CCT8L2: variants seen among roughly 807,000 people sequenced by gnomAD.
The protein encoded by CCT8L2 is T-complex protein 1 subunit theta-like 2.
Under a neutral mutation model 31.5 loss-of-function variants are expected in CCT8L2, and 29 were observed. The observed-to-expected ratio is 0.92, with a 90% confidence interval of 0.68 to 1.25. CCT8L2 has a LOEUF of 1.25. Ranked by LOEUF, CCT8L2 falls within the 50% of genes most tolerant of loss-of-function variation. The pLI is 0.00. For missense variants in CCT8L2, 589 were observed against 695.7 expected (o/e 0.85, Z 1.73); for synonymous variants, 256 against 290.1 (o/e 0.88, Z 1.19).
In CCT8L2 at chr22:16,591,540, A is replaced by C; in HGVS notation, c.1011T>G (p.Arg337=). 6.2e-7 allele frequency: 1 copy of C among 1,614,194 alleles called. No homozygotes were observed. Among genetic ancestry groups the C allele is most frequent in the Non-Finnish European group, 8.5e-7 (1 of 1,180,036 alleles). ...SEVLDTPLLP[R]LLPPQRPGKC... is the part of the protein sequence containing the mutation. Reference sequence around the variant, plus strand: ...TGCCTGGCCTCTGGGGAGGGAGCAGACGAGGCAGCAGAGGTGTGTCCAACA... The same window carrying C: ...TGCCTGGCCTCTGGGGAGGGAGCAGCCGAGGCAGCAGAGGTGTGTCCAACA... Residue 337 remains arginine (R), a synonymous_variant, in exon 1 of 1, where the codon CGT becomes CGG. Coordinates refer to ENST00000359963, the MANE Select transcript of CCT8L2 (RefSeq NM_014406.5).
rs2236639 is a variant in CCT8L2 at position 16,591,593 on chromosome 22, A to G, written c.958T>C (p.Trp320Arg). Residue 320 changes from tryptophan (W) to arginine (R), a missense_variant, in exon 1 of 1, where the codon TGG (tryptophan) becomes CGG (arginine). Trp to Arg is a moderately radical substitution (Grantham distance 101, BLOSUM62 -3). Transcript: ENST00000359963. The stretch of plus-strand genomic sequence containing the variant: ...TCACTCAGGTAAATGATCTCCATCC[A>G]AGACCTAGCTTGAATCACCACGATG... ...YGIVVIQARS[W>R]MEIIYLSEVL... 0.91 allele frequency: 1,472,632 copies of G among 1,614,040 alleles called. 674,213 individuals are homozygous for G. Among genetic ancestry groups the G allele is most frequent in the Middle Eastern group, 0.95 (5,760 of 6,062 alleles).
chr22:16,590,923 T>G lies in CCT8L2; in HGVS notation c.1628A>C (p.His543Pro), dbSNP rs1413206111. 4 of 1,613,288 alleles carry G rather than the reference T, an allele frequency of 2.5e-6. No individual in the cohort carries two copies. In the African/African-American group the frequency reaches 4.0e-5, roughly 16 times the overall value. ...TTTTTTTGTTTCCACAGGAGGTGGG[T>G]GTTTCTTTGTCTTCTTAGAGTCAGG... ...WNPDSKKTKK[H>P]PPPVETKKIL... Residue 543 changes from histidine (H) to proline (P), a missense_variant, in exon 1 of 1, where the codon CAC becomes CCC. Physicochemically the swap from His to Pro is moderately conservative, Grantham distance 77. Coordinates refer to ENST00000359963, the MANE Select transcript of CCT8L2 (RefSeq NM_014406.5).
chr22:16,591,827 C>G lies in CCT8L2; in HGVS notation c.724G>C (p.Ala242Pro). 1 of 1,614,196 alleles carries G rather than the reference C, an allele frequency of 6.2e-7. No individual in the cohort carries two copies. Among genetic ancestry groups the G allele is most frequent in the Non-Finnish European group, 8.5e-7 (1 of 1,180,046 alleles). The change falls in exon 1 of 1, where the codon GCT becomes CCT. Residue 242 changes from alanine (A) to proline (P), a missense_variant. By Grantham distance (27) the Ala-to-Pro change is conservative. Coordinates refer to ENST00000359963, the MANE Select transcript of CCT8L2 (RefSeq NM_014406.5). ...MATVLSGARV[A>P]LFACPFGPAH... ...GGACCAAAGGGGCAAGCAAAGAGAG[C>G]CACCCTGGCACCACTTAACACTGTG... is the stretch of plus-strand genomic sequence containing the variant.
rs537103812 is a variant in CCT8L2, at chr22:16,591,137, G to C, written c.1414C>G (p.Gln472Glu). The C allele has an allele frequency of 9.3e-6, 15 of 1,613,990 alleles. No individual in the cohort carries two copies. In the South Asian group the frequency reaches 1.6e-4, roughly 18 times the overall value. Residue 472 changes from glutamine to glutamate, a missense_variant, in exon 1 of 1, where the codon CAA becomes GAA. By Grantham distance (29) the Gln-to-Glu change is conservative. Transcript: ENST00000359963. Reference protein sequence around the residue: ...DVMAEMSGVHQGGNLLMGVGT... With the variant: ...DVMAEMSGVHEGGNLLMGVGT... ...ACACCCATTAGGAGGTTCCCACCTTGGTGCACTCCACTCATTTCTGCCATC... is the reference window on the plus strand; with the variant it reads ...ACACCCATTAGGAGGTTCCCACCTTCGTGCACTCCACTCATTTCTGCCATC...
chr22:16,592,162 G>C lies in CCT8L2; in HGVS notation c.389C>G (p.Pro130Arg), dbSNP rs754994430. 7.4e-5 allele frequency: 119 copies of C among 1,614,020 alleles called. No homozygotes were observed. The highest frequency in any genetic ancestry group is 9.9e-5 in the Non-Finnish European group (117 of 1,180,048). Residue 130 changes from proline (P) to arginine (R), a missense_variant, in exon 1 of 1, where the codon CCG becomes CGG. Physicochemically the swap from Pro to Arg is moderately radical, Grantham distance 103. Coordinates refer to ENST00000359963, the MANE Select transcript of CCT8L2 (RefSeq NM_014406.5). ...EQLLKAGLPR[P>R]QLREAYATAT... ...CGTGGCGTAGGCCTCCCGGAGCTGC[G>C]GGCGAGGCAGGCCAGCCTTCAGCAG...
rs1203699860 is a variant in CCT8L2, at chr22:16,592,531, G to A, written c.20C>T (p.Ser7Leu). 6.2e-7 allele frequency: 1 copy of A among 1,613,038 alleles called. No homozygotes were observed. The highest frequency in any genetic ancestry group is 1.7e-5 in the Admixed American group (1 of 59,978). MDSTVP[S>L]ALELPQRLAL... The stretch of plus-strand genomic sequence containing the variant: ...CAGCCGCTGGGGCAGCTCCAGGGCT[G>A]AAGGGACTGTGCTGTCCATGGCCCG... Residue 7 changes from serine to leucine, a missense_variant, in exon 1 of 1, where the codon TCA (serine) becomes TTA (leucine). Ser to Leu is a moderately radical substitution (Grantham distance 145, BLOSUM62 -2). Coordinates refer to ENST00000359963, the MANE Select transcript of CCT8L2 (RefSeq NM_014406.5).
In CCT8L2 at chr22:16,591,853, G is replaced by T. The variant is rs559744838; in HGVS notation, c.698C>A (p.Ala233Asp). Residue 233 changes from alanine (A) to aspartate (D), a missense_variant, in exon 1 of 1, where the codon GCC becomes GAC. By Grantham distance (126) the Ala-to-Asp change is moderately radical. Transcript: ENST00000359963. Reference sequence around the variant, plus strand: ...CACCCTGGCACCACTTAACACTGTGGCCATTTGCCCACAGAGCTTCCCAGA... The same window carrying T: ...CACCCTGGCACCACTTAACACTGTGTCCATTTGCCCACAGAGCTTCCCAGA... ...AISGKLCGQMATVLSGARVAL... is the reference protein window; with the variant it reads ...AISGKLCGQMDTVLSGARVAL... The T allele has an allele frequency of 7.4e-6, 12 of 1,614,182 alleles. No homozygotes were observed. In the South Asian group the frequency reaches 1.3e-4, roughly 18 times the overall value.
In CCT8L2 at chr22:16,591,541, C is replaced by T. The variant is rs202186424; in HGVS notation, c.1010G>A (p.Arg337His). The T allele has an allele frequency of 6.1e-5, 99 of 1,614,064 alleles. No homozygotes were observed. In the Admixed American group the frequency reaches 1.1e-3, roughly 18 times the overall value. ...SEVLDTPLLP[R>H]LLPPQRPGKC... Reference sequence around the variant, plus strand: ...GCCTGGCCTCTGGGGAGGGAGCAGACGAGGCAGCAGAGGTGTGTCCAACAC... The same window carrying T: ...GCCTGGCCTCTGGGGAGGGAGCAGATGAGGCAGCAGAGGTGTGTCCAACAC... Residue 337 changes from arginine to histidine, a missense_variant, in exon 1 of 1, where the codon CGT becomes CAT. Physicochemically the swap from Arg to His is conservative, Grantham distance 29. Coordinates refer to ENST00000359963, the MANE Select transcript of CCT8L2 (RefSeq NM_014406.5).
rs539163310 is a variant in CCT8L2, at chr22:16,591,879, T to C, written c.672A>G (p.Ile224Met). 1.2e-6 allele frequency: 2 copies of C among 1,614,062 alleles called. No homozygotes were observed. Among genetic ancestry groups the C allele is most frequent in the East Asian group, 2.2e-5 (1 of 44,852 alleles). ...CCATTTGCCCACAGAGCTTCCCAGATATTGCTAACCCCGGGAGGAGGCAGG... is the reference window on the plus strand; with the variant it reads ...CCATTTGCCCACAGAGCTTCCCAGACATTGCTAACCCCGGGAGGAGGCAGG... ...EDSCLLPGLA[I>M]SGKLCGQMAT... Residue 224 changes from isoleucine to methionine, a missense_variant, in exon 1 of 1, where the codon ATA becomes ATG. By Grantham distance (10) the Ile-to-Met change is conservative (BLOSUM62 1). Coordinates refer to ENST00000359963, the MANE Select transcript of CCT8L2 (RefSeq NM_014406.5).
At position 16,591,009 on chromosome 22, in the gene CCT8L2, G is replaced by A. The variant is rs547801677; in HGVS notation, c.1542C>T (p.Leu514=). ...FRAVAEVVLQ[L]VTVDEIVVAK... ...CCACTACGATTTCATCTACAGTCAC[G>A]AGCTGTAGCACCACCTCAGCCACTG... Residue 514 remains leucine (L), a synonymous_variant, in exon 1 of 1, where the codon CTC becomes CTT. Coordinates refer to ENST00000359963, the MANE Select transcript of CCT8L2 (RefSeq NM_014406.5). The A allele has an allele frequency of 1.3e-4, 206 of 1,613,736 alleles. 2 individuals carry two copies. In the East Asian group the frequency reaches 4.3e-3, roughly 34 times the overall value.
chr22:16,592,158 C>G lies in CCT8L2; in HGVS notation c.393G>C (p.Gln131His). The G allele has an allele frequency of 6.2e-7, 1 of 1,614,158 alleles. No homozygotes were observed. Among genetic ancestry groups the G allele is most frequent in the South Asian group, 1.1e-5 (1 of 91,078 alleles). ...QLLKAGLPRP[Q>H]LREAYATATA... ...TGGCCGTGGCGTAGGCCTCCCGGAG[C>G]TGCGGGCGAGGCAGGCCAGCCTTCA... is the stretch of plus-strand genomic sequence containing the variant. Residue 131 changes from glutamine to histidine, a missense_variant, in exon 1 of 1, where the codon CAG becomes CAC. By Grantham distance (24) the Gln-to-His change is conservative. Transcript: ENST00000359963.
In CCT8L2 at chr22:16,592,520, G is replaced by A. The variant is rs1278142932; in HGVS notation, c.31C>T (p.Leu11=). 2 of 1,613,434 alleles carry A rather than the reference G, an allele frequency of 1.2e-6. No individual in the cohort carries two copies. Among genetic ancestry groups the A allele is most frequent in the Non-Finnish European group, 8.5e-7 (1 of 1,179,902 alleles). The change falls in exon 1 of 1, where the codon CTG becomes TTG. Residue 11 remains leucine, a synonymous_variant. Coordinates refer to ENST00000359963, the MANE Select transcript of CCT8L2 (RefSeq NM_014406.5). ...GGGTTCAGTGCCAGCCGCTGGGGCA[G>A]CTCCAGGGCTGAAGGGACTGTGCTG... MDSTVPSALE[L]PQRLALNPRE...
rs138964965 is a variant in CCT8L2 at position 16,591,042 on chromosome 22, T to A, written c.1509A>T (p.Gly503=). ...VWDTLIVKAQ[G]FRAVAEVVLQ... is the part of the protein sequence containing the mutation. Reference sequence around the variant, plus strand: ...GCACCACCTCAGCCACTGCTCGAAATCCTTGGGCTTTGACTATTAGGGTGT... The same window carrying A: ...GCACCACCTCAGCCACTGCTCGAAAACCTTGGGCTTTGACTATTAGGGTGT... The change falls in exon 1 of 1, where the codon GGA becomes GGT. Residue 503 remains glycine, a synonymous_variant. Transcript: ENST00000359963. 1 of 1,613,990 alleles carries A rather than the reference T, an allele frequency of 6.2e-7. No individual in the cohort carries two copies. The highest frequency in any genetic ancestry group is 8.5e-7 in the Non-Finnish European group (1 of 1,179,858).
chr22:16,592,328 C>T lies in CCT8L2; in HGVS notation c.223G>A (p.Ala75Thr). The T allele has an allele frequency of 6.2e-7, 1 of 1,614,228 alleles. No individual in the cohort carries two copies. ...GETVCTGCATAILRALELEHP... is the reference protein window; with the variant it reads ...GETVCTGCATTILRALELEHP... ...TCCAGCTCCAGGGCCCTGAGGATGGCAGTGGCACACCCCGTGCACACTGTT... is the reference window on the plus strand; with the variant it reads ...TCCAGCTCCAGGGCCCTGAGGATGGTAGTGGCACACCCCGTGCACACTGTT... Residue 75 changes from alanine (A) to threonine (T), a missense_variant, in exon 1 of 1, where the codon GCC becomes ACC. Transcript: ENST00000359963.
At position 16,592,415 on chromosome 22, in the gene CCT8L2, C is replaced by T; in HGVS notation, c.136G>A (p.Val46Ile). ...SLAAVQTLASVIRPCYGPHGR... is the reference protein window; with the variant it reads ...SLAAVQTLASIIRPCYGPHGR... ...TGGGGGCCATAGCAAGGCCGGATGA[C>T]ACTGGCCAGGGTCTGGACTGCAGCC... Residue 46 changes from valine to isoleucine, a missense_variant, in exon 1 of 1, where the codon GTC (valine) becomes ATC (isoleucine). Physicochemically the swap from Val to Ile is conservative, Grantham distance 29 (BLOSUM62 3). Coordinates refer to ENST00000359963, the MANE Select transcript of CCT8L2 (RefSeq NM_014406.5). 3 of 1,614,164 alleles carry T rather than the reference C, an allele frequency of 1.9e-6. No homozygotes were observed. Among genetic ancestry groups the T allele is most frequent in the Non-Finnish European group, 2.5e-6 (3 of 1,180,036 alleles).
rs1298168502 is a variant in CCT8L2 at position 16,591,101 on chromosome 22, C to T, written c.1450G>A (p.Gly484Arg). The T allele has an allele frequency of 3.7e-6, 6 of 1,613,910 alleles. No homozygotes were observed. The highest frequency in any genetic ancestry group is 5.1e-6 in the Non-Finnish European group (6 of 1,179,882). ...CCTTCCTGGGCCACATTTATTATCC[C>T]TTCAGTTCCCACACCCATTAGGAGG... Reference protein sequence around the residue: ...GNLLMGVGTEGIINVAQEGVW... With the variant: ...GNLLMGVGTERIINVAQEGVW... The change falls in exon 1 of 1, where the codon GGG (glycine) becomes AGG (arginine). Residue 484 changes from glycine (G) to arginine (R), a missense_variant. Physicochemically the swap from Gly to Arg is moderately radical, Grantham distance 125 (BLOSUM62 -2). Coordinates refer to ENST00000359963, the MANE Select transcript of CCT8L2 (RefSeq NM_014406.5).
In CCT8L2 at chr22:16,590,776, TA is replaced by T. The variant is rs2059587143; in HGVS notation, c.*100del. ...TTTTATGTTCCTTCATGTTTTTATT[TA>T]AAGAAAGTGAATCAAGTACCAAACA... On this transcript the variant is annotated 3_prime_UTR_variant, in exon 1 of 1. Coordinates refer to ENST00000359963, the MANE Select transcript of CCT8L2 (RefSeq NM_014406.5). 2 of 890,224 alleles carry T rather than the reference TA, an allele frequency of 2.2e-6. No individual in the cohort carries two copies. The highest frequency in any genetic ancestry group is 5.0e-5 in the Admixed American group (2 of 40,090). 55.1% of individuals were successfully genotyped at this position (890,224 alleles called of 1,614,324 possible).
In CCT8L2 at chr22:16,591,430, G is replaced by A; in HGVS notation, c.1121C>T (p.Thr374Ile). Residue 374 changes from threonine to isoleucine, a missense_variant, in exon 1 of 1, where the codon ACT (threonine) becomes ATT (isoleucine). Transcript: ENST00000359963. ...GGTGGTGGCTCCCCTGAGAACCACAGTGAGGGCAGGTGTGCCTGTACATTC... is the reference window on the plus strand; with the variant it reads ...GGTGGTGGCTCCCCTGAGAACCACAATGAGGGCAGGTGTGCCTGTACATTC... ...EWECTGTPAL[T>I]VVLRGATTQG... is the part of the protein sequence containing the mutation. 6.2e-7 allele frequency: 1 copy of A among 1,614,092 alleles called. No individual in the cohort carries two copies. The highest frequency in any genetic ancestry group is 8.5e-7 in the Non-Finnish European group (1 of 1,179,932).
rs534377200 is a variant in CCT8L2, at chr22:16,591,960, G to C, written c.591C>G (p.Ser197Arg). ...ACWAIKELDG[S>R]FKPERVGVCA... The stretch of plus-strand genomic sequence containing the variant: ...ACACCCCAACACGCTCAGGCTTGAA[G>C]CTGCCGTCTAGTTCCTTGATAGCCC... Residue 197 changes from serine (S) to arginine (R), a missense_variant, in exon 1 of 1, where the codon AGC becomes AGG. Transcript: ENST00000359963. 6.2e-7 allele frequency: 1 copy of C among 1,614,146 alleles called. No homozygotes were observed. Among genetic ancestry groups the C allele is most frequent in the East Asian group, 2.2e-5 (1 of 44,870 alleles).
Sources: gnomAD v4.1 joint callset for allele counts on GRCh38, gnomAD v4.1.1 for gene constraint, MANE v1.5 for transcripts, NCBI Gene and HGNC (gene_info 2026-07-23, HGNC 2026-07-21) for gene names.